The following CD109 variants were observed in gnomAD, a reference collection of about 807,000 sequenced individuals.
CD109 encodes CD109 molecule.
CD109 carries 149 observed loss-of-function variants against 165.8 expected under a neutral mutation model. The observed-to-expected ratio is 0.90, with a 90% CI of 0.79 to 1.03. The LOEUF is 1.03. Ranked by LOEUF, CD109 falls within the 50% of genes least tolerant of loss-of-function variation. CD109 has a pLI of 0.00. For synonymous variants in CD109, 585 were observed against 592.1 expected, an observed-to-expected ratio of 0.99 and a Z score of 0.18; for missense variants, 1,712 against 1,677.8, an observed-to-expected ratio of 1.02 and a Z score of -0.36.
intron 29 of CD109, among the ~76,000 whole-genome samples, chr6:73,812,587 T>A (rs1294839109): frequency 2.0e-5 from 3 of 152,140 alleles, no homozygotes; most frequent in African/African-American, 7.2e-5. Flanking sequence ...TTTCTTAATA[T>A]TCATCTGAGA....
chr6:73,785,090 G>C (rs940732450), intron 19 of CD109, among the ~76,000 whole-genome samples: 1 of 152,158 alleles, frequency 6.6e-6, no homozygotes, highest in East Asian at 1.9e-4. Flanking sequence ...ACCTTATGGG[G>C]TTGTAATAAC....
intron 7 of CD109, 55 bp downstream of exon 7, chr6:73,759,083 CA>C: frequency 8.7e-7 from 1 of 1,149,326 alleles, no homozygotes; most frequent in Non-Finnish European, 1.3e-6. Context: ...ACTGTGTGAC[CA>C]AAAGCTGATT....
intron 15 of CD109, among the ~76,000 whole-genome samples, chr6:73,776,682 C>A (rs916890528): frequency 2.7e-5 from 4 of 150,024 alleles, no homozygotes; most frequent in Admixed American, 2.0e-4. Flanking sequence ...CTCAGCCTCC[C>A]AAGTAGCTGG....
In CD109 at chr6:73,697,460, G is replaced by C; in HGVS notation, c.135G>C (p.Gly45=). 1 of 1,614,148 alleles carries C rather than the reference G, an allele frequency of 6.2e-7. No individual in the cohort carries two copies. Among genetic ancestry groups the C allele is most frequent in the Non-Finnish European group, 8.5e-7 (1 of 1,180,032 alleles). ...GGCCCGGAGGAAATGTGACTATTGG[G>C]GTGGAGCTTCTGGAACACTGCCCTT... is the stretch of plus-strand genomic sequence containing the variant. The part of the protein sequence containing the change: ...IIRPGGNVTI[G]VELLEHCPSQ... The change falls in exon 2 of 33, where the codon GGG becomes GGC. Residue 45 remains glycine, a synonymous_variant. Coordinates refer to ENST00000287097, the MANE Select transcript of CD109 (RefSeq NM_133493.5).
chr6:73,717,176 A>G (rs903372379), intron 2 of CD109, among the ~76,000 whole-genome samples: 5 of 148,374 alleles, frequency 3.4e-5, no homozygotes, highest in Admixed American at 2.7e-4. Context: ...TTTGGTTACT[A>G]TAGCTCTGTA....
At chr6:73,756,705 T>C (rs750048495) in intron 6 of CD109, 23 bp downstream of exon 6, 21 of 1,475,442 alleles carry the variant, frequency 1.4e-5, no homozygotes, top group Middle Eastern at 1.7e-4. Context: ...CAATCTATTT[T>C]GGAAGAAAAA....
the CD109 span, among the ~76,000 whole-genome samples, chr6:73,689,976 C>T: frequency 6.6e-6 from 1 of 152,152 alleles, no homozygotes; most frequent in East Asian, 1.9e-4. Context: ...ACCATACTTA[C>T]ATCAACACAA....
intron 15 of CD109, among the ~76,000 whole-genome samples, chr6:73,775,983 A>G (rs774294086): frequency 2.0e-5 from 3 of 152,228 alleles, no homozygotes; most frequent in Non-Finnish European, 4.4e-5. Flanking sequence ...GAACATATGC[A>G]TGCATACATC....
intron 30 of CD109, among the ~76,000 whole-genome samples, chr6:73,816,746 T>G (rs1311757410): frequency 1.3e-5 from 2 of 152,206 alleles, no homozygotes; most frequent in Non-Finnish European, 2.9e-5. Flanking sequence ...TAAGCAAGCC[T>G]AAAATTCTAA....
At chr6:73,782,788 A>G (rs2150252364) in intron 18 of CD109, 33 bp downstream of exon 18, 1 of 1,603,958 alleles carries the variant, frequency 6.2e-7, no homozygotes, top group East Asian at 2.2e-5. Flanking sequence ...GCCCATACAT[A>G]TTTTGTTTAG....
chr6:73,767,121 TG>T (rs1437859897), intron 13 of CD109, 111 bp downstream of exon 13: 9 of 843,506 alleles, frequency 1.1e-5, no homozygotes, highest in South Asian at 3.3e-5. Flanking sequence ...ACTCATGTCA[TG>T]GGGGTTTGTT....
intron 15 of CD109, among the ~76,000 whole-genome samples, chr6:73,772,377 C>T (rs564446273): frequency 4.5e-4 from 68 of 151,720 alleles, no homozygotes; most frequent in Non-Finnish European, 7.7e-4. Flanking sequence ...CGGTGGCGGG[C>T]GCCTGTAGTC....
chr6:73,684,911 G>A, the CD109 span, among the ~76,000 whole-genome samples: 2 of 150,624 alleles, frequency 1.3e-5, no homozygotes, highest in Non-Finnish European at 3.0e-5. Context: ...TCAAATTCTT[G>A]CTTTGCCCAT....
intron 1 of CD109, 149 bp downstream of exon 1, chr6:73,696,438 C>T (rs1770846039): frequency 3.4e-6 from 2 of 589,882 alleles, no homozygotes; most frequent in Non-Finnish European, 5.3e-6. Flanking sequence ...TGGTACTGGC[C>T]TGGAGGTTTG....
chr6:73,739,741 G>A (rs1772693087), intron 5 of CD109, among the ~76,000 whole-genome samples: 1 of 152,018 alleles, frequency 6.6e-6, no homozygotes, highest in African/African-American at 2.4e-5. Flanking sequence ...CCAGCTACTC[G>A]GGAGGCTGAG....
intron 17 of CD109, among the ~76,000 whole-genome samples, chr6:73,781,627 G>T (rs1395205326): frequency 6.6e-6 from 1 of 152,046 alleles, no homozygotes; most frequent in Non-Finnish European, 1.5e-5. Flanking sequence ...ATCACAAACT[G>T]TCCTATTCTT....
chr6:73,736,855 A>G (rs147757638), intron 5 of CD109, among the ~76,000 whole-genome samples: 2,746 of 152,344 alleles, frequency 0.018, 45 homozygotes, highest in Non-Finnish European at 0.023. Flanking sequence ...ATGCCTTAGA[A>G]TAATGACTCC....
At chr6:73,764,816 C>CAA (rs1363569119) in intron 10 of CD109, among the ~76,000 whole-genome samples, 17 of 61,116 alleles carry the variant, frequency 2.8e-4, no homozygotes, top group African/African-American at 5.3e-4. Context: ...AACTCCATTT[C>CAA]AAAAAAAAAA....
intron 5 of CD109, among the ~76,000 whole-genome samples, chr6:73,745,277 G>A (rs1425591009): frequency 1.3e-5 from 2 of 151,982 alleles, no homozygotes; most frequent in African/African-American, 4.8e-5. Flanking sequence ...GCTAATTTTT[G>A]TATTTTTAGT....
Sources: allele counts gnomAD v4.1 joint callset (sites outside exome capture counted in the v4.1 genomes callset), GRCh38; gene constraint gnomAD v4.1.1; transcripts MANE v1.5; gene names NCBI Gene and HGNC (gene_info 2026-07-23, HGNC 2026-07-21).